The following VWF variants were observed in gnomAD, a reference collection of about 807,000 sequenced individuals.
VWF encodes von Willebrand factor, also known as Factor VIII related antigen.
In VWF, 176 loss-of-function variants were observed where a neutral mutation model predicts 308.6. That is an observed-to-expected ratio of 0.57 (90% CI 0.50 to 0.65). VWF has a LOEUF of 0.65. Among genes scored for constraint, VWF ranks in the 30% least tolerant of loss-of-function variants. The probability of loss-of-function intolerance (pLI) is 0.00; values close to 1 mark genes in which losing one functional copy is unlikely to be tolerated. For synonymous variants in VWF, 1,385 were observed against 1,443.4 expected (o/e 0.96, Z 0.92); for missense variants, 3,146 against 3,648.2 (o/e 0.86, Z 3.55).
intron 16 of VWF, among the ~76,000 whole-genome samples, chr12:6,048,664 T>C (rs898767583): frequency 1.3e-5 from 2 of 151,568 alleles, no homozygotes; most frequent in Non-Finnish European, 2.9e-5. Context: ...GGTTTCACCA[T>C]GTTGACCAGG....
At chr12:5,985,178 G>A (rs1356578158) in intron 39 of VWF, 59 bp from the exon 40 acceptor site, 79 of 1,553,684 alleles carry the variant, frequency 5.1e-5, no homozygotes, top group Non-Finnish European at 6.8e-5. Context: ...AGCCTCAGAG[G>A]GATTTGAAAT....
chr12:6,103,409 TAC>T (rs780955175), intron 5 of VWF, among the ~76,000 whole-genome samples: 3,259 of 107,446 alleles, frequency 0.03, 422 homozygotes, highest in African/African-American at 0.24. Context: ...CGTGTGTGTA[TAC>T]ACACGTGTGT....
chr12:6,019,433 T>G lies in VWF; in HGVS notation c.3985A>C (p.Ile1329Leu). The change falls in exon 28 of 52, where the codon ATC becomes CTC. Residue 1329 changes from isoleucine (I) to leucine (L), a missense_variant. By Grantham distance (5) the Ile-to-Leu change is conservative (BLOSUM62 2). Coordinates refer to ENST00000261405, the MANE Select transcript of VWF (RefSeq NM_000552.5). This position sits in a 1 kb window ranked among gnomAD's most constrained non-coding sequence, Gnocchi z 5.8. Reference protein sequence around the residue: ...VEYHDGSHAYIGLKDRKRPSE... With the variant: ...VEYHDGSHAYLGLKDRKRPSE... Reference sequence around the variant, plus strand: ...GGTCGCTTCCGGTCCTTGAGCCCGATGTAGGCGTGGGAGCCGTCGTGGTAC... The same window carrying G: ...GGTCGCTTCCGGTCCTTGAGCCCGAGGTAGGCGTGGGAGCCGTCGTGGTAC... The G allele has an allele frequency of 6.2e-7, 1 of 1,613,908 alleles. No individual in the cohort carries two copies. The highest frequency in any genetic ancestry group is 1.1e-5 in the South Asian group (1 of 91,072).
chr12:6,092,620 T>TGAGAGTGAGAGAGAGAGAGTGAGTGTGA (rs1250915385), intron 6 of VWF, among the ~76,000 whole-genome samples: 2 of 89,678 alleles, frequency 2.2e-5, no homozygotes, highest in African/African-American at 1.2e-4. Context: ...TGAGTGAGAG[T>TGAGAGTGAGAGAGAGAGAGTGAGTGTGA]GTGTGTGTGT....
intron 43 of VWF, among the ~76,000 whole-genome samples, chr12:5,975,710 G>C (rs1482741031): frequency 6.6e-6 from 1 of 152,150 alleles, no homozygotes; most frequent in Non-Finnish European, 1.5e-5. Context: ...TCTTTTCTAG[G>C]CATTTAGTCC....
rs1047176422 is a variant in VWF at position 6,081,334 on chromosome 12, TTTTTGTTTTG to T, written c.658-5793_658-5784del. ...AAAGAATTTACTAGGCCAGTGGTGT[TTTTTGTTTTG>T]TTTTGTTTTGTTTTGAGACAGAGTC... On this transcript the variant is annotated intron_variant, in intron 6 of 51. Coordinates refer to ENST00000261405, the MANE Select transcript of VWF (RefSeq NM_000552.5). Among the ~76,000 whole-genome samples, 7 of 151,200 alleles carry T rather than the reference TTTTTGTTTTG, an allele frequency of 4.6e-5. No individual in the cohort carries two copies. The East Asian group carries it at 1.4e-3, about 29-fold the overall frequency.
intron 27 of VWF, chr12:6,021,093 T>C (rs1944124323): frequency 6.6e-6 from 1 of 152,244 alleles, no homozygotes; most frequent in African/African-American, 2.4e-5. Flanking sequence ...TGACATACTT[T>C]CTAGTTTCCT....
At chr12:6,072,213 C>G (rs2136470317) in intron 9 of VWF, 118 bp downstream of exon 9, 2 of 901,822 alleles carry the variant, frequency 2.2e-6, no homozygotes, top group South Asian at 2.9e-5. Context: ...CCAACTCAGT[C>G]TCTTCTTTCT....
chr12:6,121,504 C>T (rs1261989889), intron 2 of VWF, among the ~76,000 whole-genome samples, 166 bp from the exon 3 acceptor site: 1 of 152,144 alleles, frequency 6.6e-6, no homozygotes, highest in Non-Finnish European at 1.5e-5. Context: ...TTTCAGCTCC[C>T]AGATATGACC....
intron 6 of VWF, among the ~76,000 whole-genome samples, chr12:6,083,762 C>T (rs1335259250): frequency 2.0e-5 from 3 of 152,186 alleles, no homozygotes; most frequent in Non-Finnish European, 4.4e-5. Flanking sequence ...ATTTCTCAGC[C>T]TCCCTTGCAG....
At chr12:6,071,618 A>C (rs1328610326) in intron 9 of VWF, among the ~76,000 whole-genome samples, 1 of 152,220 alleles carries the variant, frequency 6.6e-6, no homozygotes, top group Admixed American at 6.5e-5. Context: ...AAATCTACTC[A>C]GATACCAAGA....
intron 34 of VWF, among the ~76,000 whole-genome samples, chr12:5,999,471 TACAC>T (rs3062521): frequency 1.2e-3 from 178 of 143,630 alleles, no homozygotes; most frequent in South Asian, 5.2e-3. Context: ...TGTACACACA[TACAC>T]ACACACACAC....
chr12:6,084,910 G>A (rs1944951703), intron 6 of VWF, among the ~76,000 whole-genome samples: 1 of 152,120 alleles, frequency 6.6e-6, no homozygotes, highest in African/African-American at 2.4e-5. Flanking sequence ...ATAACTTCTG[G>A]CCGGCCCAAG....
intron 6 of VWF, among the ~76,000 whole-genome samples, chr12:6,088,478 A>C (rs1292958989): frequency 3.0e-5 from 4 of 132,358 alleles, no homozygotes; most frequent in African/African-American, 1.2e-4. Flanking sequence ...GACTCTGTCT[A>C]AAAAAAAAAA....
At chr12:5,966,285 A>G (rs952733126) in intron 47 of VWF, among the ~76,000 whole-genome samples, 1 of 151,738 alleles carries the variant, frequency 6.6e-6, no homozygotes, top group Admixed American at 6.6e-5. Context: ...ATACACACAC[A>G]CACACGCACA....
rs576425551 is a variant in VWF, at chr12:6,020,865, C to T, written c.3674+1035G>A. Among the ~76,000 whole-genome samples the T allele has an allele frequency of 1.8e-4, 27 of 152,232 alleles. No homozygotes were observed. Among genetic ancestry groups the T allele is most frequent in the South Asian group, 2.1e-4 (1 of 4,838 alleles). On this transcript the variant is annotated intron_variant, in intron 27 of 51. Transcript: ENST00000261405. The surrounding 1 kb of genome is among the most constrained non-coding windows in gnomAD (Gnocchi z 4.3). ...GTGCACCGTGGCAGCTGCCCCTGCC[C>T]GTGTGCCAGCAAAGGAGGTGGGGAG...
chr12:6,047,432 G>GT (rs1181020733), intron 16 of VWF, among the ~76,000 whole-genome samples: 3 of 152,156 alleles, frequency 2.0e-5, no homozygotes, highest in African/African-American at 4.8e-5. Context: ...TCACTGAATG[G>GT]TGACGCCATC....
In VWF at chr12:6,001,259, A is replaced by G. The variant is rs888891656; in HGVS notation, c.5843-5037T>C. Reference sequence around the variant, plus strand: ...ATAAATGAAAAATATATAACAAACAATTATAAAATATAATGACGAAAGAAG... The same window carrying G: ...ATAAATGAAAAATATATAACAAACAGTTATAAAATATAATGACGAAAGAAG... On this transcript the variant is annotated intron_variant, in intron 34 of 51. Coordinates refer to ENST00000261405, the MANE Select transcript of VWF (RefSeq NM_000552.5). 5.3e-5 allele frequency among the ~76,000 whole-genome samples: 8 copies of G among 152,206 alleles called. No individual in the cohort carries two copies. In the East Asian group the frequency reaches 1.5e-3, roughly 29 times the overall value.
At chr12:6,057,736 T>A in intron 14 of VWF, 113 bp downstream of exon 14, 1 of 1,300,632 alleles carries the variant, frequency 7.7e-7, no homozygotes, top group East Asian at 2.4e-5. Flanking sequence ...ACCCCTTTCC[T>A]CGCTCCCCGC....
Sources: allele counts gnomAD v4.1 joint callset (sites outside exome capture counted in the v4.1 genomes callset), GRCh38; gene constraint gnomAD v4.1.1; non-coding constraint Gnocchi (gnomAD v3.1); transcripts MANE v1.5; gene names NCBI Gene and HGNC (gene_info 2026-07-23, HGNC 2026-07-21).